C1QTNF7: variants seen among roughly 807,000 people sequenced by gnomAD.
C1QTNF7 encodes the protein C1q and TNF related 7, also known as complement C1q tumor necrosis factor-related protein 7.
In C1QTNF7, 15 loss-of-function variants were observed where a neutral mutation model predicts 19.6. The ratio of observed to expected loss-of-function variants is 0.76; its 90% CI spans 0.51 to 1.18. The LOEUF is 1.18. Among genes scored for constraint, C1QTNF7 ranks in the 50% most tolerant of loss-of-function variants. The probability of loss-of-function intolerance (pLI) is 0.00; values close to 1 mark genes in which losing one functional copy is unlikely to be tolerated. For missense variants in C1QTNF7, 324 were observed against 359.7 expected, an observed-to-expected ratio of 0.90 and a Z score of 0.80; for synonymous variants, 142 against 137.5, an observed-to-expected ratio of 1.03 and a Z score of -0.23.
chr4:15,370,252 G>GA (rs1231732328), intron 1 of C1QTNF7, among the ~76,000 whole-genome samples: 4 of 151,836 alleles, frequency 2.6e-5, no homozygotes, highest in South Asian at 4.2e-4. Flanking sequence ...AACAACTGGC[G>GA]AAAAAAAGCA....
intron 1 of C1QTNF7, among the ~76,000 whole-genome samples, chr4:15,412,495 C>T (rs1306393804): frequency 6.6e-6 from 1 of 152,140 alleles, no homozygotes; most frequent in African/African-American, 2.4e-5. Flanking sequence ...CTCCTTCCAT[C>T]CACACATCAC....
intron 1 of C1QTNF7, among the ~76,000 whole-genome samples, chr4:15,349,471 G>T (rs983794000): frequency 1.3e-5 from 2 of 152,150 alleles, no homozygotes; most frequent in Non-Finnish European, 2.9e-5. Context: ...GAGGCAAAAT[G>T]AAAGAAATGT....
intron 1 of C1QTNF7, among the ~76,000 whole-genome samples, chr4:15,387,016 C>T (rs1341700011): frequency 6.6e-6 from 1 of 152,126 alleles, no homozygotes; most frequent in East Asian, 1.9e-4. Flanking sequence ...CTGTTTCAAT[C>T]ATTCAGGCAG....
intron 1 of C1QTNF7, among the ~76,000 whole-genome samples, chr4:15,397,662 A>G (rs938825044): frequency 2.7e-4 from 41 of 152,188 alleles, no homozygotes; most frequent in African/African-American, 9.4e-4. Context: ...AGAAGACCAC[A>G]ACTCTCTCTA....
chr4:15,425,044 A>G (rs1390643218), upstream of C1QTNF7, among the ~76,000 whole-genome samples: 2 of 152,216 alleles, frequency 1.3e-5, no homozygotes, highest in African/African-American at 4.8e-5. Flanking sequence ...AGCTAAATAA[A>G]TAAGTGATGA....
chr4:15,393,541 C>T lies in C1QTNF7; in HGVS notation c.14-42195C>T, dbSNP rs374161032. Among the ~76,000 whole-genome samples, 3 of 152,296 alleles carry T rather than the reference C, an allele frequency of 2.0e-5. No individual in the cohort carries two copies. In the South Asian group the frequency reaches 6.2e-4, roughly 32 times the overall value. ...ACTCTCGAGCCCAACACCCAAAGAT[C>T]TTTATTCTGGAAATGTGAAGTAGGG... is the stretch of plus-strand genomic sequence containing the variant. On this transcript the variant is annotated intron_variant, in intron 1 of 2. Coordinates refer to the C1QTNF7 transcript ENST00000295297.
intron 1 of C1QTNF7, among the ~76,000 whole-genome samples, chr4:15,372,054 C>T (rs1302174384): frequency 1.3e-5 from 2 of 152,086 alleles, no homozygotes; most frequent in Non-Finnish European, 2.9e-5. Context: ...TGCTTACTAG[C>T]TTTGTGACCT....
At chr4:15,353,358 C>T (rs1003987660) in intron 1 of C1QTNF7, among the ~76,000 whole-genome samples, 1 of 152,130 alleles carries the variant, frequency 6.6e-6, no homozygotes, top group African/African-American at 2.4e-5. Flanking sequence ...TTTGGACAGA[C>T]AAATTGCCAA....
upstream of C1QTNF7, among the ~76,000 whole-genome samples, chr4:15,427,187 A>G (rs970156783): frequency 4.6e-5 from 7 of 152,222 alleles, no homozygotes; most frequent in African/African-American, 1.4e-4. Flanking sequence ...CTAACTCTGG[A>G]AACATTCCTT....
At chr4:15,356,181 A>C (rs970665864) in intron 1 of C1QTNF7, among the ~76,000 whole-genome samples, 2 of 152,078 alleles carry the variant, frequency 1.3e-5, no homozygotes, top group Non-Finnish European at 2.9e-5. Context: ...TACACGTGCC[A>C]TGGTGGTTTG....
At chr4:15,374,763 G>T (rs1717864857) in intron 1 of C1QTNF7, 1 of 983,544 alleles carries the variant, frequency 1.0e-6, no homozygotes, top group African/African-American at 1.8e-5. Flanking sequence ...AAGGTCTTGT[G>T]AGCAATGTAA....
chr4:15,378,804 T>G (rs1165422045), intron 1 of C1QTNF7, among the ~76,000 whole-genome samples: 1 of 152,154 alleles, frequency 6.6e-6, no homozygotes, highest in Non-Finnish European at 1.5e-5. Context: ...TTAAAAACAA[T>G]CCAGGGTCTG....
At chr4:15,430,679 T>C (rs1234281994) in intron 1 of C1QTNF7, among the ~76,000 whole-genome samples, 1 of 152,222 alleles carries the variant, frequency 6.6e-6, no homozygotes, top group Admixed American at 6.5e-5. Flanking sequence ...AATTGTGACC[T>C]ACGTGATTTA....
chr4:15,435,526 G>A (rs1000856819), intron 1 of C1QTNF7, among the ~76,000 whole-genome samples: 9 of 152,168 alleles, frequency 5.9e-5, no homozygotes, highest in East Asian at 1.9e-4. Context: ...ACCAACTCCC[G>A]TGTAGGGCAC....
intron 1 of C1QTNF7, among the ~76,000 whole-genome samples, chr4:15,381,182 C>T (rs146214554): frequency 8.5e-4 from 129 of 152,132 alleles, no homozygotes; most frequent in African/African-American, 2.8e-3. Flanking sequence ...CTTTGGGAGG[C>T]TGAGGGAGGT....
At chr4:15,422,836 T>G (rs908715683) in intron 1 of C1QTNF7, among the ~76,000 whole-genome samples, 1 of 152,192 alleles carries the variant, frequency 6.6e-6, no homozygotes, top group African/African-American at 2.4e-5. Flanking sequence ...TTGCCCAGGC[T>G]GGTCTCAAGC....
chr4:15,343,239 A>G (rs1368913109), intron 1 of C1QTNF7, among the ~76,000 whole-genome samples: 1 of 152,232 alleles, frequency 6.6e-6, no homozygotes, highest in Non-Finnish European at 1.5e-5. Context: ...GAAGTATCAC[A>G]TAGACCAACG....
At chr4:15,360,775 G>A (rs925819545) in intron 1 of C1QTNF7, among the ~76,000 whole-genome samples, 5 of 152,150 alleles carry the variant, frequency 3.3e-5, no homozygotes, top group Non-Finnish European at 5.9e-5. Context: ...TTGACTGGGG[G>A]CTTGCAAATA....
intron 1 of C1QTNF7, among the ~76,000 whole-genome samples, chr4:15,384,781 A>G (rs1670617377): frequency 6.6e-6 from 1 of 152,172 alleles, no homozygotes; most frequent in Non-Finnish European, 1.5e-5. Flanking sequence ...TCTTCCTTTA[A>G]TTATTTGAAA....
Sources: gnomAD v4.1 joint callset for allele counts (sites outside exome capture counted in the v4.1 genomes callset) on GRCh38, gnomAD v4.1.1 for gene constraint, MANE v1.5 for transcripts, NCBI Gene and HGNC (gene_info 2026-07-23, HGNC 2026-07-21) for gene names.